KRT8: variants seen among roughly 807,000 people sequenced by gnomAD.
KRT8 encodes the protein keratin, type II cytoskeletal 8.
Under a neutral mutation model 43.0 loss-of-function variants are expected in KRT8, and 24 were observed. That is an observed-to-expected ratio of 0.56 (90% CI 0.40 to 0.78). The LOEUF (loss-of-function observed/expected upper bound fraction) is 0.78, where lower values mean the gene tolerates loss of function less well. Among genes scored for constraint, KRT8 ranks in the 30% least tolerant of loss-of-function variants. The pLI, the probability that KRT8 is intolerant of heterozygous loss-of-function variation, is 0.00. For synonymous variants in KRT8, 214 were observed against 261.2 expected (o/e 0.82, Z 1.74); for missense variants, 492 against 638.4 (o/e 0.77, Z 2.47).
upstream of KRT8, among the ~76,000 whole-genome samples, chr12:52,910,957 T>A (rs1306753882): frequency 6.6e-6 from 1 of 152,168 alleles, no homozygotes; most frequent in Non-Finnish European, 1.5e-5. Context: ...GGCAGTAGTC[T>A]AAAAAATTTC....
chr12:52,904,540 G>T, intron 1 of KRT8, 118 bp downstream of exon 1: 2 of 956,794 alleles, frequency 2.1e-6, no homozygotes, highest in South Asian at 1.4e-5. Flanking sequence ...GGAGAGTGTC[G>T]CCAGGGCGGG....
At chr12:52,935,542 A>T (rs1263886573) in intron 2 of KRT8, among the ~76,000 whole-genome samples, 1 of 150,502 alleles carries the variant, frequency 6.6e-6, no homozygotes, top group African/African-American at 2.4e-5. Context: ...AAAAAAAAAA[A>T]AAGGAAAAGA....
At chr12:52,916,126 T>C (rs1163552550) in intron 2 of KRT8, among the ~76,000 whole-genome samples, 1 of 152,128 alleles carries the variant, frequency 6.6e-6, no homozygotes, top group Non-Finnish European at 1.5e-5. Flanking sequence ...ACTAGGGGTT[T>C]CAGAGGCCAG....
chr12:52,932,414 T>G (rs1942099314), intron 2 of KRT8, among the ~76,000 whole-genome samples: 2 of 152,142 alleles, frequency 1.3e-5, no homozygotes, highest in Non-Finnish European at 2.9e-5. Context: ...AAAGAATGAT[T>G]ACTTTGTCCA....
At chr12:52,917,340 T>G (rs1213875810) in intron 2 of KRT8, among the ~76,000 whole-genome samples, 3 of 149,138 alleles carry the variant, frequency 2.0e-5, no homozygotes, top group African/African-American at 5.0e-5. Flanking sequence ...AGGTGGAGGT[T>G]GCAGTGAGCC....
Position 52,923,865 on chromosome 12 carries a change from G to A in KRT8, c.-46-18838C>T, listed in dbSNP as rs548003205. Among the ~76,000 whole-genome samples the A allele has an allele frequency of 1.3e-4, 19 of 149,894 alleles. No homozygotes were observed. The East Asian group carries it at 2.2e-3, about 17-fold the overall frequency. ...AAAAGCATTATATATTTTTTTTTTC[G>A]AGACGGAGCCTCGCTCTCGCCCAGG... On this transcript the variant is annotated intron_variant, in intron 2 of 6. Transcript: ENST00000546826.
intron 2 of KRT8, chr12:52,949,286 G>A (rs1486318507): frequency 3.7e-6 from 6 of 1,610,536 alleles, no homozygotes; most frequent in Middle Eastern, 4.5e-4. Context: ...GTCTATGCAG[G>A]CGCTGGGGGC....
At chr12:52,936,145 G>A (rs376684585) in intron 2 of KRT8, among the ~76,000 whole-genome samples, 6 of 151,984 alleles carry the variant, frequency 3.9e-5, no homozygotes, top group East Asian at 3.9e-4. Flanking sequence ...CCAGCTACTC[G>A]GGAGGCCGAG....
chr12:52,898,738 C>T (rs762809651), exon 6 of KRT8: 1 of 1,614,248 alleles, frequency 6.2e-7, no homozygotes, highest in South Asian at 1.1e-5. Context: ...CCAGGGCCAG[C>T]TTGACGTTCA....
At chr12:52,902,002 G>A (rs764490389) in exon 2 of KRT8, 2 of 1,603,436 alleles carry the variant, frequency 1.2e-6, no homozygotes, top group Non-Finnish European at 1.7e-6. Flanking sequence ...GTTGCTTCGA[G>A]CCGTCTTCTG....
At chr12:52,947,869 T>C (rs1289804196) in intron 2 of KRT8, 1 of 152,000 alleles carries the variant, frequency 6.6e-6, no homozygotes, top group Non-Finnish European at 1.5e-5. Flanking sequence ...CACATTATCA[T>C]CTCTGTGAGA....
chr12:52,918,200 A>G (rs1450493765), intron 2 of KRT8, among the ~76,000 whole-genome samples: 2 of 121,254 alleles, frequency 1.6e-5, no homozygotes, highest in African/African-American at 6.9e-5. Flanking sequence ...GAAGAAGAAG[A>G]AGAACAAGAA....
In KRT8 at chr12:52,938,136, C is replaced by CTATACATATA. The variant is rs1555189938; in HGVS notation, c.-47+11319_-47+11320insTATATGTATA. Among the ~76,000 whole-genome samples the CTATACATATA allele has an allele frequency of 1.4e-3, 60 of 44,044 alleles. 3 individuals are homozygous for CTATACATATA. Among genetic ancestry groups the CTATACATATA allele is most frequent in the African/African-American group, 4.4e-3 (54 of 12,198 alleles). The allele number at this position is 44,044 out of a possible 152,430, so 28.9% of individuals were successfully genotyped here. On this transcript the variant is annotated intron_variant, in intron 2 of 6. Coordinates refer to the KRT8 transcript ENST00000546826. ...ATACCATTACACACCCACTAGAAAGCTATATATATATATATATATATATAT... is the reference window on the plus strand; with the variant it reads ...ATACCATTACACACCCACTAGAAAGCTATACATATATATATATATATATATATATATATAT...
intron 2 of KRT8, among the ~76,000 whole-genome samples, chr12:52,938,171 T>TATA (rs1350561374): frequency 3.2e-3 from 94 of 29,684 alleles, no homozygotes; most frequent in African/African-American, 6.4e-3. Flanking sequence ...TATATATATA[T>TATA]TTTTTTTTTT....
At chr12:52,922,176 CCT>C (rs1340586292) in intron 2 of KRT8, among the ~76,000 whole-genome samples, 4 of 106,052 alleles carry the variant, frequency 3.8e-5, no homozygotes, top group East Asian at 2.8e-4. Context: ...AGAGTGAGAC[CCT>C]GTCTCTAAAA....
upstream of KRT8, among the ~76,000 whole-genome samples, chr12:52,908,995 C>T (rs556646215): frequency 6.6e-6 from 1 of 152,008 alleles, no homozygotes; most frequent in East Asian, 1.9e-4. Context: ...GCGTGGGAGA[C>T]AGAGTGAAAC....
At chr12:52,897,741 G>T in intron 7 of KRT8, 123 bp from the exon 8 acceptor site, 1 of 1,344,140 alleles carries the variant, frequency 7.4e-7, no homozygotes, top group Non-Finnish European at 1.0e-6. Flanking sequence ...AGCTCTGCCT[G>T]ATCAGTGATT....
At chr12:52,939,468 A>G (rs1409386134) in intron 2 of KRT8, among the ~76,000 whole-genome samples, 2 of 151,808 alleles carry the variant, frequency 1.3e-5, no homozygotes, top group African/African-American at 2.4e-5. Flanking sequence ...CACCCCTGTA[A>G]TCCCAGCACT....
At chr12:52,926,747 C>T (rs1941999730) in intron 2 of KRT8, among the ~76,000 whole-genome samples, 1 of 152,158 alleles carries the variant, frequency 6.6e-6, no homozygotes, top group Non-Finnish European at 1.5e-5. Context: ...TCCTTATTTA[C>T]AGATGAGGAA....
Sources: gnomAD v4.1 joint callset for allele counts (sites outside exome capture counted in the v4.1 genomes callset) on GRCh38, gnomAD v4.1.1 for gene constraint, MANE v1.5 for transcripts, NCBI Gene and HGNC (gene_info 2026-07-23, HGNC 2026-07-21) for gene names.